Variants in PLIN2 observed in about 807,000 individuals in gnomAD.
The protein encoded by PLIN2 is perilipin 2.
In PLIN2, 33 loss-of-function variants were observed where a neutral mutation model predicts 30.6. The ratio of observed to expected loss-of-function variants is 1.08; its 90% CI spans 0.82 to 1.44. PLIN2 has a LOEUF of 1.44. PLIN2 is among the 40% of genes most tolerant of loss of function. The pLI is 0.00. For missense variants in PLIN2, 610 were observed against 531.8 expected (o/e 1.15, Z -1.45); for synonymous variants, 205 against 201.1 (o/e 1.02, Z -0.16).
intron 4 of PLIN2, 38 bp from the exon 5 acceptor site, chr9:19,121,203 A>C: frequency 6.3e-7 from 1 of 1,592,804 alleles, no homozygotes. Flanking sequence ...CTGGTGAGAA[A>C]AATGAGCACA....
Position 19,126,398 on chromosome 9 carries a change from G to T in PLIN2, c.29C>A (p.Pro10Gln), listed in dbSNP as rs72561717. The change falls in exon 2 of 8, where the codon CCG (proline) becomes CAG (glutamine). Residue 10 changes from proline to glutamine, a missense_variant and splice_region_variant. Coordinates refer to ENST00000276914, the MANE Select transcript of PLIN2 (RefSeq NM_001122.4). MASVAVDPQ[P>Q]SVVTRVVNLP... ...ACAAAGGCTACTCAAAATTCATACC[G>T]GTTGTGGATCAACTGCAACGGATGC... 4 of 1,613,752 alleles carry T rather than the reference G, an allele frequency of 2.5e-6. No individual in the cohort carries two copies. Among genetic ancestry groups the T allele is most frequent in the Admixed American group, 3.3e-5 (2 of 59,978 alleles).
At chr9:19,124,922 C>G (rs900104099) in intron 3 of PLIN2, among the ~76,000 whole-genome samples, 9 of 152,130 alleles carry the variant, frequency 5.9e-5, no homozygotes, top group Non-Finnish European at 1.3e-4. Flanking sequence ...TATGATGTGA[C>G]AAGACAGATT....
At chr9:19,110,122 C>G (rs754327751) in intron 2 of PLIN2, among the ~76,000 whole-genome samples, 15 of 152,040 alleles carry the variant, frequency 9.9e-5, no homozygotes, top group Non-Finnish European at 1.5e-4. Context: ...CTCCCAGGTT[C>G]AACTGATTCT....
rs192085475 is a variant in PLIN2 at position 19,123,817 on chromosome 9, G to A, written c.227-170C>T. On this transcript the variant is annotated intron_variant, in intron 3 of 7. Coordinates refer to ENST00000276914, the MANE Select transcript of PLIN2 (RefSeq NM_001122.4). Reference sequence around the variant, plus strand: ...AGGCGGATCACGAGGTCAAGAGATCGAGACCATCCTGGCCAACATGGTGAA... The same window carrying A: ...AGGCGGATCACGAGGTCAAGAGATCAAGACCATCCTGGCCAACATGGTGAA... 3.9e-3 allele frequency among the ~76,000 whole-genome samples: 593 copies of A among 152,092 alleles called. 2 individuals are homozygous for A. The highest frequency in any genetic ancestry group is 6.7e-3 in the Non-Finnish European group (458 of 67,978).
intron 1 of PLIN2, among the ~76,000 whole-genome samples, chr9:19,126,871 G>A (rs1485347623): frequency 1.3e-5 from 2 of 152,004 alleles, no homozygotes; most frequent in Non-Finnish European, 2.9e-5. Flanking sequence ...GTGAAACCCC[G>A]TCTCTTCTAA....
intron 4 of PLIN2, 86 bp downstream of exon 4, chr9:19,123,479 G>A (rs1258887825): frequency 2.5e-6 from 4 of 1,602,252 alleles, no homozygotes; most frequent in African/African-American, 1.3e-5. Flanking sequence ...GTATTTGCCT[G>A]TTTGTGATAT....
chr9:19,126,297 G>A lies in PLIN2; in HGVS notation c.43C>T (p.Arg15Trp), dbSNP rs201024699. Residue 15 changes from arginine to tryptophan, a missense_variant, in exon 3 of 8, where the codon CGG becomes TGG. Coordinates refer to ENST00000276914, the MANE Select transcript of PLIN2 (RefSeq NM_001122.4). Reference sequence around the variant, plus strand: ...CTCACCAAGGGCAGGTTGACCACCCGAGTCACCACACTCTGCAATCAAAGT... The same window carrying A: ...CTCACCAAGGGCAGGTTGACCACCCAAGTCACCACACTCTGCAATCAAAGT... Reference protein sequence around the residue: ...AVDPQPSVVTRVVNLPLVSST... With the variant: ...AVDPQPSVVTWVVNLPLVSST... 1,123 of 1,613,854 alleles carry A rather than the reference G, an allele frequency of 7.0e-4. 16 individuals are homozygous for A. The South Asian group carries it at 0.011, about 16-fold the overall frequency.
At chr9:19,125,742 G>A (rs1228941064) in intron 3 of PLIN2, 1 of 172,656 alleles carries the variant, frequency 5.8e-6, no homozygotes, top group Non-Finnish European at 1.2e-5. Context: ...GGCCAATATT[G>A]TGAAACCGCG....
downstream of PLIN2, among the ~76,000 whole-genome samples, chr9:19,112,115 T>C (rs1267013815): frequency 1.3e-5 from 2 of 152,168 alleles, no homozygotes; most frequent in African/African-American, 2.4e-5. Flanking sequence ...ATTAACTTAA[T>C]AGATGAGAAA....
At chr9:19,113,934 C>A (rs556016496), downstream of PLIN2, among the ~76,000 whole-genome samples, 13 of 152,124 alleles carry the variant, frequency 8.5e-5, no homozygotes, top group East Asian at 2.1e-3. Context: ...GCCCCCATGC[C>A]CAGCTAATTT....
downstream of PLIN2, among the ~76,000 whole-genome samples, chr9:19,115,585 G>T (rs1200821672): frequency 2.0e-5 from 3 of 152,042 alleles, no homozygotes; most frequent in Admixed American, 1.3e-4. Context: ...GGGGTTACAG[G>T]CATGAGCCAC....
chr9:19,126,990 C>T (rs1180984353), intron 1 of PLIN2, among the ~76,000 whole-genome samples: 1 of 152,000 alleles, frequency 6.6e-6, no homozygotes, highest in African/African-American at 2.4e-5. Context: ...TGCAGTGAGC[C>T]TAGATGGCGT....
intron 5 of PLIN2, among the ~76,000 whole-genome samples, chr9:19,120,625 G>A (rs770563240): frequency 2.0e-5 from 3 of 152,080 alleles, no homozygotes; most frequent in Non-Finnish European, 2.9e-5. Context: ...CAGGTGGATC[G>A]TTTGAGCCCA....
rs1460214136 is a variant in PLIN2, at chr9:19,115,981, G to A, written c.*267C>T. On this transcript the variant is annotated 3_prime_UTR_variant, in exon 8 of 8. Transcript: ENST00000276914. Reference sequence around the variant, plus strand: ...TAACAGAGGCAACACAATGGCCATAGAATGAGAACATAAGTGCATTTGAAT... The same window carrying A: ...TAACAGAGGCAACACAATGGCCATAAAATGAGAACATAAGTGCATTTGAAT... 3.1e-6 allele frequency: 1 copy of A among 320,240 alleles called. No individual in the cohort carries two copies. The highest frequency in any genetic ancestry group is 5.8e-5 in the East Asian group (1 of 17,206). The allele number at this position is 320,240 out of a possible 1,614,324, so 19.8% of individuals were successfully genotyped here. A position where few individuals can be genotyped will look rare whatever the true frequency, so the allele number is the denominator to read the frequency against.
chr9:19,118,985 G>A (rs959466929), intron 6 of PLIN2, among the ~76,000 whole-genome samples: 2 of 152,132 alleles, frequency 1.3e-5, no homozygotes, highest in African/African-American at 4.8e-5. Context: ...GAGCCACCAC[G>A]CCCAGCCAGC....
intron 4 of PLIN2, 48 bp from the exon 5 acceptor site, chr9:19,121,213 A>G (rs1818310710): frequency 6.4e-7 from 1 of 1,552,294 alleles, no homozygotes; most frequent in East Asian, 2.3e-5. Context: ...AAATGAGCAC[A>G]AGGACATACC....
chr9:19,125,974 T>C, intron 3 of PLIN2, 140 bp downstream of exon 3: 1 of 607,310 alleles, frequency 1.6e-6, no homozygotes, highest in Non-Finnish European at 2.9e-6. Context: ...CTTACGGTAA[T>C]GAGGGTCACC....
chr9:19,112,131 G>C (rs547302039), downstream of PLIN2, among the ~76,000 whole-genome samples: 19 of 152,206 alleles, frequency 1.2e-4, no homozygotes, highest in African/African-American at 4.3e-4. Context: ...AGAAAACTAA[G>C]GCTCAGAGAT....
chr9:19,120,566 GA>G (rs1270109492), intron 5 of PLIN2, among the ~76,000 whole-genome samples: 1 of 152,132 alleles, frequency 6.6e-6, no homozygotes, highest in African/African-American at 2.4e-5. Context: ...GAGGCAAAAA[GA>G]TTAGTGGTTG....
Sources: gnomAD v4.1 joint callset for allele counts (sites outside exome capture counted in the v4.1 genomes callset) on GRCh38, gnomAD v4.1.1 for gene constraint, MANE v1.5 for transcripts, NCBI Gene and HGNC (gene_info 2026-07-23, HGNC 2026-07-21) for gene names.